The following PGM1 variants were observed in gnomAD, a reference collection of about 807,000 sequenced individuals.
The protein encoded by PGM1 is phosphoglucomutase 1.
PGM1 carries 52 observed loss-of-function variants against 55.6 expected under a neutral mutation model. The observed-to-expected ratio is 0.94, with a 90% CI of 0.75 to 1.18. PGM1 has a LOEUF of 1.18. PGM1 is among the 50% of genes most tolerant of loss of function. PGM1 has a pLI of 0.00. For missense variants in PGM1, 724 were observed against 729.3 expected (o/e 0.99, Z 0.08); for synonymous variants, 287 against 271.7 (o/e 1.06, Z -0.55).
chr1:63,633,930 A>G (rs866870734), intron 4 of PGM1, among the ~76,000 whole-genome samples: 1 of 71,316 alleles, frequency 1.4e-5, no homozygotes, highest in Non-Finnish European at 2.3e-5. Flanking sequence ...ATATATATAT[A>G]TATTTTTTTT....
rs182652262 is a variant in PGM1 at position 63,659,945 on chromosome 1, C to G, written c.*270C>G. The G allele has an allele frequency of 3.5e-4, 198 of 561,886 alleles. 1 individual carries two copies. Among genetic ancestry groups the G allele is most frequent in the African/African-American group, 3.4e-3 (181 of 53,272 alleles). The allele number at this position is 561,886 out of a possible 1,614,324, so 34.8% of individuals were successfully genotyped here. Reference sequence around the variant, plus strand: ...GCTGCGTGGGTATTTGTCTCCTTAGCCATCAGGTACAGTTTACACTACAAT... The same window carrying G: ...GCTGCGTGGGTATTTGTCTCCTTAGGCATCAGGTACAGTTTACACTACAAT... On this transcript the variant is annotated 3_prime_UTR_variant, in exon 11 of 11. Transcript: ENST00000371084.
Position 63,629,607 on chromosome 1 carries a change from G to C in PGM1, c.409+20G>C. 6.2e-7 allele frequency: 1 copy of C among 1,610,626 alleles called. No homozygotes were observed. The highest frequency in any genetic ancestry group is 8.5e-7 in the Non-Finnish European group (1 of 1,177,244). ...ATGGAGGTGAGTTTGCTGTCATTTT[G>C]AGGACAGGTAAGTTTACATTCAGTA... On this transcript the variant is annotated intron_variant, in intron 2 of 10. Coordinates refer to ENST00000371084, the MANE Select transcript of PGM1 (RefSeq NM_002633.3).
At chr1:63,637,041 A>G (rs1649384406) in intron 6 of PGM1, among the ~76,000 whole-genome samples, 1 of 152,234 alleles carries the variant, frequency 6.6e-6, no homozygotes, top group Non-Finnish European at 1.5e-5. Context: ...GATGAGGACC[A>G]GGGAAAACAT....
intron 1 of PGM1, among the ~76,000 whole-genome samples, chr1:63,617,730 C>CAAAAAA (rs34771728): frequency 3.5e-4 from 15 of 43,322 alleles, no homozygotes; most frequent in Non-Finnish European, 6.2e-4. Flanking sequence ...TGCCTCCCCA[C>CAAAAAA]AAAAAAAAAA....
chr1:63,638,617 T>TA, intron 6 of PGM1, 68 bp from the exon 7 acceptor site: 1 of 999,408 alleles, frequency 1.0e-6, no homozygotes, highest in East Asian at 2.4e-5. Flanking sequence ...CGATTGCCCT[T>TA]TTCCGTCCCT....
intron 7 of PGM1, among the ~76,000 whole-genome samples, chr1:63,643,609 G>A (rs76880414): frequency 0.014 from 2,135 of 152,300 alleles, 55 homozygotes; most frequent in African/African-American, 0.049. Flanking sequence ...TGTTTGTGCA[G>A]TGGAAGACCA....
At chr1:63,594,882 A>T (rs1414756960) in intron 1 of PGM1, among the ~76,000 whole-genome samples, 8 of 140,640 alleles carry the variant, frequency 5.7e-5, no homozygotes, top group African/African-American at 2.2e-4. Context: ...AATGGCGTGA[A>T]CCCGGGAGGC....
intron 1 of PGM1, among the ~76,000 whole-genome samples, chr1:63,613,848 C>A (rs1209996858): frequency 6.6e-6 from 1 of 151,980 alleles, no homozygotes; most frequent in African/African-American, 2.4e-5. Context: ...CTTTGGGAGT[C>A]ACTTGGGATC....
At chr1:63,598,148 A>G (rs555161420) in intron 1 of PGM1, among the ~76,000 whole-genome samples, 1 of 152,096 alleles carries the variant, frequency 6.6e-6, no homozygotes, top group East Asian at 1.9e-4. Flanking sequence ...ATTGTTTTAT[A>G]TTTTTTGTAG....
Position 63,654,469 on chromosome 1 carries a change from A to G in PGM1, c.1599+3A>G. 6.2e-7 allele frequency: 1 copy of G among 1,613,950 alleles called. No homozygotes were observed. Among genetic ancestry groups the G allele is most frequent in the Non-Finnish European group, 8.5e-7 (1 of 1,179,838 alleles). On this transcript the variant is annotated splice_donor_region_variant and intron_variant, in intron 10 of 10. Coordinates refer to ENST00000371084, the MANE Select transcript of PGM1 (RefSeq NM_002633.3). ...CCAAGATTAACCAGGACCCCCAGGT[A>G]ACGCCCAGCCCTGTGCCCTGGTTAG...
At chr1:63,596,281 C>T (rs1298750663) in intron 1 of PGM1, among the ~76,000 whole-genome samples, 1 of 107,480 alleles carries the variant, frequency 9.3e-6, no homozygotes, top group Non-Finnish European at 1.8e-5. Context: ...TTTTTTGAGA[C>T]GGAGTCTTAC....
At chr1:63,594,985 A>G (rs867001261) in intron 1 of PGM1, among the ~76,000 whole-genome samples, 6 of 151,566 alleles carry the variant, frequency 4.0e-5, no homozygotes, top group African/African-American at 1.5e-4. Context: ...AGAAAAAAAA[A>G]GTGGATTGAT....
At chr1:63,627,469 C>A (rs1033058365) in intron 1 of PGM1, among the ~76,000 whole-genome samples, 1 of 152,054 alleles carries the variant, frequency 6.6e-6, no homozygotes, top group Non-Finnish European at 1.5e-5. Flanking sequence ...AGAGCAGTGT[C>A]TCTCCTGTAT....
At chr1:63,604,327 G>A (rs528831028) in intron 1 of PGM1, among the ~76,000 whole-genome samples, 1 of 152,284 alleles carries the variant, frequency 6.6e-6, no homozygotes, top group Non-Finnish European at 1.5e-5. Context: ...CTAGCATGAT[G>A]GATCCATGAT....
chr1:63,627,325 A>G (rs1649051922), intron 1 of PGM1, among the ~76,000 whole-genome samples: 1 of 152,012 alleles, frequency 6.6e-6, no homozygotes, highest in Non-Finnish European at 1.5e-5. Flanking sequence ...AGAAAGATAA[A>G]CTAGATGGGT....
intron 4 of PGM1, 52 bp downstream of exon 4, chr1:63,631,834 C>T (rs752072185): frequency 6.4e-7 from 1 of 1,568,792 alleles, no homozygotes; most frequent in Admixed American, 1.7e-5. Context: ...GGAAGTTGCC[C>T]TCTTCTGTGT....
At chr1:63,602,457 A>T (rs1166188807) in intron 1 of PGM1, among the ~76,000 whole-genome samples, 2 of 152,244 alleles carry the variant, frequency 1.3e-5, no homozygotes, top group African/African-American at 4.8e-5. Flanking sequence ...CAACTAATAT[A>T]TGAATTTGTT....
At chr1:63,638,095 A>G (rs1649409416) in intron 6 of PGM1, among the ~76,000 whole-genome samples, 1 of 152,188 alleles carries the variant, frequency 6.6e-6, no homozygotes, top group East Asian at 1.9e-4. Context: ...GGGAACCACT[A>G]ATCAGTGTGG....
intron 4 of PGM1, 73 bp from the exon 5 acceptor site, chr1:63,634,756 C>G (rs1294383249): frequency 7.8e-7 from 1 of 1,280,744 alleles, no homozygotes; most frequent in East Asian, 2.3e-5. Flanking sequence ...ATCCACCTCA[C>G]CCCTGAATCC....
Sources: allele counts gnomAD v4.1 joint callset (sites outside exome capture counted in the v4.1 genomes callset), GRCh38; gene constraint gnomAD v4.1.1; transcripts MANE v1.5; gene names NCBI Gene and HGNC (gene_info 2026-07-23, HGNC 2026-07-21).